The following NEK7 variants were observed in gnomAD, a reference collection of about 807,000 sequenced individuals.
NEK7 encodes the protein NIMA related kinase 7.
NEK7 carries 18 observed loss-of-function variants against 44.6 expected under a neutral mutation model. The observed-to-expected ratio is 0.40, with a 90% confidence interval of 0.28 to 0.60. NEK7 has a LOEUF of 0.60. NEK7 is among the 20% of genes least tolerant of loss of function. The probability of loss-of-function intolerance (pLI) is 0.38; values close to 1 mark genes in which losing one functional copy is unlikely to be tolerated. For missense variants in NEK7, 256 were observed against 366.5 expected (o/e 0.70, Z 2.46); for synonymous variants, 130 against 121.1 (o/e 1.07, Z -0.48).
chr1:198,172,165 A>G (rs1157486758), intron 1 of NEK7, among the ~76,000 whole-genome samples: 1 of 152,178 alleles, frequency 6.6e-6, no homozygotes, highest in Non-Finnish European at 1.5e-5. Flanking sequence ...ACAGGAGTCT[A>G]GGTTAGCCCA....
rs1301320000 is a variant in NEK7 at position 198,320,819 on chromosome 1, T to C, written c.*1297T>C. ...ACTGTTATGAGATTAACATTTCTAT[T>C]GAGAAGCTTTTGAGTAAAGTACTGT... On this transcript the variant is annotated 3_prime_UTR_variant, in exon 10 of 10. Transcript: ENST00000367385. 6.6e-6 allele frequency: 1 copy of C among 152,226 alleles called. No homozygotes were observed. The highest frequency in any genetic ancestry group is 1.5e-5 in the Non-Finnish European group (1 of 68,026). The allele number at this position is 152,226 out of a possible 1,614,324, so 9.4% of individuals were successfully genotyped here.
At chr1:198,183,279 TC>T (rs5779907) in intron 1 of NEK7, among the ~76,000 whole-genome samples, 46,109 of 151,980 alleles carry the variant, frequency 0.3, 7,623 homozygotes, top group Admixed American at 0.4. Context: ...TACTACTACT[TC>T]CACTAGGCCA....
Position 198,266,901 on chromosome 1 carries a change from T to C in NEK7, c.372+2666T>C, listed in dbSNP as rs12058387. ...CCCTTGCATCATACAAATCTACCCT[T>C]TTCTACTCTTCAAAGTTGACTTTAT... On this transcript the variant is annotated intron_variant, in intron 5 of 9. Coordinates refer to ENST00000367385, the MANE Select transcript of NEK7 (RefSeq NM_133494.3). Among the ~76,000 whole-genome samples the C allele has an allele frequency of 9.7e-4, 147 of 152,190 alleles. 2 individuals carry two copies. In the East Asian group the frequency reaches 0.018, roughly 19 times the overall value.
intron 3 of NEK7, among the ~76,000 whole-genome samples, chr1:198,261,124 CA>C (rs1653448714): frequency 6.6e-6 from 1 of 151,970 alleles, no homozygotes; most frequent in Non-Finnish European, 1.5e-5. Flanking sequence ...ATAATTCTTT[CA>C]AGGTTCACCT....
chr1:198,269,824 G>A (rs889172416), intron 5 of NEK7, among the ~76,000 whole-genome samples: 6 of 152,124 alleles, frequency 3.9e-5, no homozygotes, highest in African/African-American at 1.2e-4. Context: ...GAATACCTGA[G>A]GCTGTGGTCA....
intron 2 of NEK7, among the ~76,000 whole-genome samples, chr1:198,238,564 A>G (rs1666601200): frequency 6.6e-6 from 1 of 152,158 alleles, no homozygotes; most frequent in Non-Finnish European, 1.5e-5. Flanking sequence ...CTTAAAATGT[A>G]CCTACCCCAT....
intron 1 of NEK7, among the ~76,000 whole-genome samples, chr1:198,179,951 T>C (rs1356272551): frequency 6.6e-6 from 1 of 152,172 alleles, no homozygotes; most frequent in African/African-American, 2.4e-5. Context: ...GGTTAAGTTG[T>C]GTAACTTCTT....
rs537150054 is a variant in NEK7 at position 198,191,724 on chromosome 1, A to G, written c.-29+34448A>G. The stretch of plus-strand genomic sequence containing the variant: ...AGATGTTGTGAAGAAATACTTGTCT[A>G]TTTTCTTCAAAAAGTTGTAAAGTTC... On this transcript the variant is annotated intron_variant, in intron 1 of 9. Transcript: ENST00000367385. Among the ~76,000 whole-genome samples the G allele has an allele frequency of 5.3e-5, 8 of 152,028 alleles. No homozygotes were observed. The South Asian group carries it at 8.3e-4, about 16-fold the overall frequency.
chr1:198,168,436 C>T (rs1052544188), intron 1 of NEK7, among the ~76,000 whole-genome samples: 2 of 152,164 alleles, frequency 1.3e-5, no homozygotes, highest in Non-Finnish European at 2.9e-5. Flanking sequence ...ATCCCCAGAA[C>T]GTCAGCATTT....
intron 4 of NEK7, among the ~76,000 whole-genome samples, chr1:198,263,893 G>A (rs374286134): frequency 5.1e-4 from 78 of 151,926 alleles, no homozygotes; most frequent in African/African-American, 1.6e-3. Flanking sequence ...AGATTTAAAC[G>A]TAAAATATAT....
intron 7 of NEK7, among the ~76,000 whole-genome samples, chr1:198,283,393 C>T (rs371150825): frequency 1.3e-5 from 2 of 152,058 alleles, no homozygotes; most frequent in African/African-American, 2.4e-5. Flanking sequence ...GAGCAGAGTA[C>T]ACCACATTGG....
chr1:198,306,983 T>C (rs1655040035), intron 9 of NEK7, among the ~76,000 whole-genome samples: 3 of 152,138 alleles, frequency 2.0e-5, no homozygotes, highest in Admixed American at 2.0e-4. Flanking sequence ...ATATTTGAGA[T>C]AATTTATTGC....
chr1:198,261,357 T>G (rs532897055), intron 3 of NEK7, among the ~76,000 whole-genome samples: 2 of 152,136 alleles, frequency 1.3e-5, no homozygotes, highest in African/African-American at 4.8e-5. Context: ...AGCATATTAT[T>G]TAATCTTTTT....
chr1:198,246,052 A>G (rs1666826531), intron 2 of NEK7, among the ~76,000 whole-genome samples: 1 of 152,148 alleles, frequency 6.6e-6, no homozygotes, highest in Non-Finnish European at 1.5e-5. Flanking sequence ...TGATGATACC[A>G]TTTTTTATTT....
intron 1 of NEK7, among the ~76,000 whole-genome samples, chr1:198,207,594 A>T (rs1264708246): frequency 6.6e-6 from 1 of 152,208 alleles, no homozygotes; most frequent in Non-Finnish European, 1.5e-5. Context: ...AAGAAGTCAT[A>T]TTCAAAAGGC....
intron 1 of NEK7, among the ~76,000 whole-genome samples, chr1:198,198,767 T>G (rs1472393061): frequency 6.6e-6 from 1 of 152,184 alleles, no homozygotes; most frequent in African/African-American, 2.4e-5. Flanking sequence ...CCTCAAATGA[T>G]TCTCAGTTTT....
chr1:198,315,139 C>T lies in NEK7; in HGVS notation c.799-4273C>T, dbSNP rs1571625933. On this transcript the variant is annotated intron_variant, in intron 9 of 9. Transcript: ENST00000367385. Reference sequence around the variant, plus strand: ...AGATGCGGGATATAGTCTCCTGGTGCGCCGTTTTTTTAAGCCCGTCGGAAA... The same window carrying T: ...AGATGCGGGATATAGTCTCCTGGTGTGCCGTTTTTTTAAGCCCGTCGGAAA... Among the ~76,000 whole-genome samples the T allele has an allele frequency of 3.3e-5, 5 of 152,270 alleles. No homozygotes were observed. In the South Asian group the frequency reaches 1.0e-3, roughly 32 times the overall value.
At chr1:198,253,451 A>G (rs2102927200) in intron 3 of NEK7, among the ~76,000 whole-genome samples, 1 of 152,262 alleles carries the variant, frequency 6.6e-6, no homozygotes, top group South Asian at 2.1e-4. Context: ...TTGAGTCATC[A>G]CCATTACTTC....
At chr1:198,228,706 G>C (rs1265173315) in intron 1 of NEK7, among the ~76,000 whole-genome samples, 1 of 152,054 alleles carries the variant, frequency 6.6e-6, no homozygotes, top group African/African-American at 2.4e-5. Flanking sequence ...TATGATTTTT[G>C]CACATTGATT....
Sources: gnomAD v4.1 joint callset for allele counts (sites outside exome capture counted in the v4.1 genomes callset) on GRCh38, gnomAD v4.1.1 for gene constraint, MANE v1.5 for transcripts, NCBI Gene and HGNC (gene_info 2026-07-23, HGNC 2026-07-21) for gene names.